The following UMAD1 variants were observed in gnomAD, a reference collection of about 807,000 sequenced individuals.
UMAD1 encodes the protein UBAP1-MVB12-associated (UMA) domain containing 1.
A neutral mutation model predicts 6.1 loss-of-function variants in UMAD1; 8 were observed. The ratio of observed to expected loss-of-function variants is 1.30; its 90% confidence interval spans 0.76 to 2.35. UMAD1 has a LOEUF of 2.35. Among genes scored for constraint, UMAD1 ranks in the 30% most tolerant of loss-of-function variants. The pLI, the probability that UMAD1 is intolerant of heterozygous loss-of-function variation, is 0.00. For synonymous variants in UMAD1, 56 were observed against 31.4 expected, an observed-to-expected ratio of 1.78 and a Z score of -2.61; for missense variants, 130 against 78.4, an observed-to-expected ratio of 1.66 and a Z score of -2.49.
intron 2 of UMAD1, among the ~76,000 whole-genome samples, chr7:7,706,161 T>G (rs1418284970): frequency 1.3e-5 from 2 of 152,078 alleles, no homozygotes; most frequent in African/African-American, 4.8e-5. Context: ...GTTGACTGAT[T>G]TGGGGAAGAG....
chr7:7,871,178 G>A (rs1195146671), intron 3 of UMAD1, among the ~76,000 whole-genome samples: 1 of 152,144 alleles, frequency 6.6e-6, no homozygotes, highest in Non-Finnish European at 1.5e-5. Context: ...TGTAAGATCT[G>A]TCACCTTAAT....
intron 1 of UMAD1, among the ~76,000 whole-genome samples, chr7:7,649,298 A>G (rs1200083447): frequency 6.6e-6 from 1 of 152,196 alleles, no homozygotes; most frequent in African/African-American, 2.4e-5. Flanking sequence ...CAGAAAGGCA[A>G]GAGACCATGA....
At chr7:7,763,128 A>G (rs1240053916) in intron 2 of UMAD1, among the ~76,000 whole-genome samples, 2 of 152,226 alleles carry the variant, frequency 1.3e-5, no homozygotes, top group Non-Finnish European at 2.9e-5. Context: ...GTAGGGAAAA[A>G]TGTATATTAC....
At chr7:7,740,310 G>A (rs1781437319) in intron 2 of UMAD1, among the ~76,000 whole-genome samples, 2 of 152,152 alleles carry the variant, frequency 1.3e-5, no homozygotes, top group Non-Finnish European at 2.9e-5. Context: ...GAGCAATCAC[G>A]TCTATCCTTT....
intron 2 of UMAD1, among the ~76,000 whole-genome samples, chr7:7,711,272 A>G (rs1411567838): frequency 3.3e-5 from 5 of 152,202 alleles, no homozygotes; most frequent in South Asian, 2.1e-4. Context: ...AAAAAGTTCA[A>G]TTAAAAGACA....
intron 1 of UMAD1, among the ~76,000 whole-genome samples, chr7:7,642,677 C>T (rs1049240378): frequency 1.3e-5 from 2 of 152,020 alleles, no homozygotes; most frequent in Non-Finnish European, 2.9e-5. Context: ...TATAGCTAGC[C>T]GATTTGCATA....
At chr7:7,849,687 A>G (rs1783876720) in intron 3 of UMAD1, among the ~76,000 whole-genome samples, 1 of 152,200 alleles carries the variant, frequency 6.6e-6, no homozygotes, top group South Asian at 2.1e-4. Flanking sequence ...TTAGTAGGAG[A>G]TTCAGACCAA....
At chr7:7,696,440 T>C (rs964781163) in intron 2 of UMAD1, among the ~76,000 whole-genome samples, 1 of 152,156 alleles carries the variant, frequency 6.6e-6, no homozygotes, top group African/African-American at 2.4e-5. Flanking sequence ...TTAGAAGTCC[T>C]GAGCTTAGCC....
Position 7,830,294 on chromosome 7 carries a change from C to CT in UMAD1, c.156+28557dup, listed in dbSNP as rs1394001232. On this transcript the variant is annotated intron_variant, in intron 3 of 3. Transcript: ENST00000682710. This position sits in a 1 kb window ranked among gnomAD's most constrained non-coding sequence, Gnocchi z 5.3. ...TTGCTAAAGATTGAGTGTGGAATAC[C>CT]TTTTTTGTAGCAGCTGCTCTGGAGG... Among the ~76,000 whole-genome samples the CT allele has an allele frequency of 7.2e-5, 11 of 152,046 alleles. No homozygotes were observed. Among genetic ancestry groups the CT allele is most frequent in the Admixed American group, 3.3e-4 (5 of 15,258 alleles).
At chr7:7,743,142 A>G (rs1010293591) in intron 2 of UMAD1, among the ~76,000 whole-genome samples, 1 of 152,192 alleles carries the variant, frequency 6.6e-6, no homozygotes, top group African/African-American at 2.4e-5. Flanking sequence ...TTGGTTTAGA[A>G]ACAACACAAT....
intron 3 of UMAD1, among the ~76,000 whole-genome samples, chr7:7,854,965 T>C (rs995026353): frequency 7.9e-5 from 12 of 152,316 alleles, no homozygotes; most frequent in South Asian, 2.1e-4. Flanking sequence ...ACAGGCCCCA[T>C]GCAAGTTTGA....
intron 2 of UMAD1, among the ~76,000 whole-genome samples, chr7:7,708,603 C>T (rs1014997620): frequency 1.3e-5 from 2 of 152,124 alleles, no homozygotes; most frequent in African/African-American, 4.8e-5. Context: ...CATATTTGTC[C>T]TTTTGGGACA....
intron 2 of UMAD1, among the ~76,000 whole-genome samples, chr7:7,774,030 A>G (rs937080233): frequency 4.6e-5 from 7 of 152,310 alleles, no homozygotes; most frequent in Admixed American, 2.6e-4. Flanking sequence ...ACTGAGAATC[A>G]GGCCATCCAT....
chr7:7,800,424 T>G (rs541376316), intron 2 of UMAD1, among the ~76,000 whole-genome samples: 101 of 152,348 alleles, frequency 6.6e-4, no homozygotes, highest in Non-Finnish European at 1.2e-3. Flanking sequence ...TTATAAATAT[T>G]TTTTATTACT....
chr7:7,671,903 A>G (rs1374997503), intron 1 of UMAD1, among the ~76,000 whole-genome samples: 2 of 152,130 alleles, frequency 1.3e-5, no homozygotes, highest in African/African-American at 4.8e-5. Flanking sequence ...TCTTCTTCAC[A>G]TGACTTGTGT....
chr7:7,725,399 G>C (rs116117051), intron 2 of UMAD1, among the ~76,000 whole-genome samples: 1 of 152,144 alleles, frequency 6.6e-6, no homozygotes, highest in Admixed American at 6.5e-5. Flanking sequence ...TTAATGTATC[G>C]GTGGCAGATA....
intron 2 of UMAD1, among the ~76,000 whole-genome samples, chr7:7,707,800 T>A (rs1021150945): frequency 6.6e-6 from 1 of 152,204 alleles, no homozygotes; most frequent in African/African-American, 2.4e-5. Context: ...TAACTTGAAA[T>A]ATAAAGATGC....
chr7:7,660,911 T>C (rs1338805360), intron 1 of UMAD1, among the ~76,000 whole-genome samples: 2 of 152,226 alleles, frequency 1.3e-5, no homozygotes, highest in Non-Finnish European at 2.9e-5. Context: ...AACTTGGTTC[T>C]ATTCTCCCTG....
At chr7:7,794,180 T>C (rs62434083) in intron 2 of UMAD1, among the ~76,000 whole-genome samples, 26,004 of 152,190 alleles carry the variant, frequency 0.17, 2,693 homozygotes, top group South Asian at 0.26. Context: ...AACAGTTTTC[T>C]GTATTCACAG....
Sources: allele counts gnomAD v4.1 joint callset (sites outside exome capture counted in the v4.1 genomes callset), GRCh38; gene constraint gnomAD v4.1.1; non-coding constraint Gnocchi (gnomAD v3.1); transcripts MANE v1.5; gene names NCBI Gene and HGNC (gene_info 2026-07-23, HGNC 2026-07-21).